Variants in TPRX1 observed in about 807,000 individuals in gnomAD.
TPRX1 encodes the protein tetrapeptide repeat homeobox 1.
TPRX1 carries 2 observed loss-of-function variants against 8.1 expected under a neutral mutation model. That is an observed-to-expected ratio of 0.25 (90% CI 0.10 to 0.78). The LOEUF (loss-of-function observed/expected upper bound fraction) is 0.78, where lower values mean the gene tolerates loss of function less well. TPRX1 is among the 30% of genes least tolerant of loss of function. The pLI, the probability that TPRX1 is intolerant of heterozygous loss-of-function variation, is 0.70. For synonymous variants in TPRX1, 257 were observed against 254.1 expected (o/e 1.01, Z -0.11); for missense variants, 517 against 586.9 (o/e 0.88, Z 1.23).
At chr19:47,818,732 G>A (rs1181563454) in intron 1 of TPRX1, among the ~76,000 whole-genome samples, 1 of 152,160 alleles carries the variant, frequency 6.6e-6, no homozygotes, top group African/African-American at 2.4e-5. Context: ...ACTGTCCCCA[G>A]AATTTAACCC....
chr19:47,810,177 C>T (rs1317070822), intron 2 of TPRX1, among the ~76,000 whole-genome samples: 2 of 143,568 alleles, frequency 1.4e-5, no homozygotes, highest in Non-Finnish European at 3.0e-5. Flanking sequence ...ATCACTTGAA[C>T]CCCTGAGGCA....
rs943111696 is a variant in TPRX1, at chr19:47,812,066, A to C, written c.151+6402T>G. Among the ~76,000 whole-genome samples the C allele has an allele frequency of 4.6e-5, 7 of 150,902 alleles. No homozygotes were observed. The South Asian group carries it at 8.4e-4, about 18-fold the overall frequency. On this transcript the variant is annotated intron_variant, in intron 2 of 3. Coordinates refer to ENST00000535759, the Ensembl canonical transcript of TPRX1. ...TTTTTAGTAGAGATGGAGTTTCTCC[A>C]TGTTGGTCAGGCTGGTCTTGAACTC...
chr19:47,813,621 C>T (rs1306464963), intron 2 of TPRX1, among the ~76,000 whole-genome samples: 1 of 152,056 alleles, frequency 6.6e-6, no homozygotes, highest in Non-Finnish European at 1.5e-5. Flanking sequence ...CTGTCTCCCC[C>T]TTTCTCTGTT....
At chr19:47,802,703 A>T (rs754076384) in exon 4 of TPRX1, 7 of 1,584,442 alleles carry the variant, frequency 4.4e-6, no homozygotes, top group Non-Finnish European at 6.0e-6. Flanking sequence ...TGGGCCTGGG[A>T]TTGGGGCAGG....
At chr19:47,802,542 TTGGGCCTGGGATTGGGCCACGGAA>T in exon 4 of TPRX1, 1 of 1,542,524 alleles carries the variant, frequency 6.5e-7, no homozygotes, top group Non-Finnish European at 8.7e-7. Context: ...GGGCCTGAAA[TTGGGCCTGGGATTGGGCCACGGAA>T]TGGGCCTGGG....
Position 47,802,412 on chromosome 19 carries a change from G to T in TPRX1, c.890C>A (p.Ser297Ter). 1 of 1,302,944 alleles carries T rather than the reference G, an allele frequency of 7.7e-7. No homozygotes were observed. The highest frequency in any genetic ancestry group is 2.9e-5 in the East Asian group (1 of 34,644). 80.7% of individuals were successfully genotyped at this position (1,302,944 alleles called of 1,614,324 possible). A position where few individuals can be genotyped will look rare whatever the true frequency, so the allele number is the denominator to read the frequency against. ...TGGGATCGGGCCTGGGATCGGGACT[G>T]AGATTGGGCCTGGGATCGGGCCTGA... Residue 297 changes from serine (S) to a stop codon, truncating the protein, a stop_gained, in exon 4 of 4, where the codon TCA becomes TAA. Coordinates refer to ENST00000535759, the Ensembl canonical transcript of TPRX1. LOFTEE classifies it low-confidence loss of function (END_TRUNC).
rs145047883 is a variant in TPRX1 at position 47,802,218 on chromosome 19, T to C, written c.1084A>G (p.Ile362Val). ...GCTGGGCTGGGAATCGGGCCTATAA[T>C]TGGGCCTGGGCCTGAGATTGGGCCT... Residue 362 changes from isoleucine (I) to valine (V), a missense_variant, in exon 4 of 4, where the codon ATT (isoleucine) becomes GTT (valine). By Grantham distance (29) the Ile-to-Val change is conservative. This residue lies in a region of TPRX1 where 506 missense variants were observed against 515.5 expected (regional missense o/e 0.98). Coordinates refer to ENST00000535759, the Ensembl canonical transcript of TPRX1. 1.9e-5 allele frequency: 30 copies of C among 1,610,654 alleles called. No individual in the cohort carries two copies. The African/African-American group carries it at 3.5e-4, about 19-fold the overall frequency.
chr19:47,801,903 T>A (rs747669233), exon 4 of TPRX1: 4 of 1,614,160 alleles, frequency 2.5e-6, no homozygotes, highest in Non-Finnish European at 3.4e-6. Flanking sequence ...GAGGTCATGG[T>A]GGAGACTGAG....
chr19:47,809,117 A>G (rs150536595), intron 2 of TPRX1, among the ~76,000 whole-genome samples: 1 of 152,264 alleles, frequency 6.6e-6, no homozygotes, highest in Non-Finnish European at 1.5e-5. Flanking sequence ...TGTAATAGGA[A>G]AAGCTCAAAG....
chr19:47,816,556 G>C (rs548716531), intron 2 of TPRX1, among the ~76,000 whole-genome samples: 1 of 116,856 alleles, frequency 8.6e-6, no homozygotes, highest in East Asian at 2.5e-4. Flanking sequence ...TTTTTGAGAT[G>C]GAGTCTCACG....
chr19:47,808,076 A>G (rs545881742), intron 2 of TPRX1, among the ~76,000 whole-genome samples: 1 of 151,630 alleles, frequency 6.6e-6, no homozygotes, highest in African/African-American at 2.4e-5. Flanking sequence ...ACTACAGGCA[A>G]GTACCACCAT....
intron 2 of TPRX1, among the ~76,000 whole-genome samples, chr19:47,816,529 A>ATTTTTTTTT (rs35029272): frequency 8.7e-6 from 1 of 114,688 alleles, no homozygotes; most frequent in Non-Finnish European, 1.8e-5. Flanking sequence ...ACCCCTGGGA[A>ATTTTTTTTT]TTTTTTTTTT....
chr19:47,810,008 A>C (rs1967767913), intron 2 of TPRX1, among the ~76,000 whole-genome samples: 1 of 151,948 alleles, frequency 6.6e-6, no homozygotes, highest in Admixed American at 6.6e-5. Context: ...TAATCCCAGC[A>C]CTTTGGGAGG....
chr19:47,808,091 G>A lies in TPRX1; in HGVS notation c.152-4418C>T, dbSNP rs114825126. On this transcript the variant is annotated intron_variant, in intron 2 of 3. Coordinates refer to ENST00000535759, the Ensembl canonical transcript of TPRX1. ...ACTACAGGCAAGTACCACCATGTCC[G>A]GGTAATTTTCTTATTTTATTTTATT... Among the ~76,000 whole-genome samples, 1,092 of 151,908 alleles carry A rather than the reference G, an allele frequency of 7.2e-3. 15 individuals are homozygous for A. The highest frequency in any genetic ancestry group is 0.024 in the African/African-American group (987 of 41,430).
At chr19:47,801,545 A>G in exon 4 of TPRX1, 1 of 512,408 alleles carries the variant, frequency 2.0e-6, no homozygotes, top group Non-Finnish European at 3.3e-6. Flanking sequence ...CAGATATCCC[A>G]GTGAGCAGCG....
At chr19:47,817,250 C>T (rs1227695052) in intron 2 of TPRX1, among the ~76,000 whole-genome samples, 2 of 152,172 alleles carry the variant, frequency 1.3e-5, no homozygotes, top group African/African-American at 4.8e-5. Flanking sequence ...GCATGAACCA[C>T]AGACCTTGGG....
chr19:47,817,786 A>C (rs1344134117), intron 2 of TPRX1, among the ~76,000 whole-genome samples: 3 of 152,224 alleles, frequency 2.0e-5, no homozygotes, highest in African/African-American at 7.2e-5. Context: ...AAGGCCACGC[A>C]GTGAGAAAAC....
At chr19:47,801,889 C>G (rs769162053) in exon 4 of TPRX1, 2 of 1,614,158 alleles carry the variant, frequency 1.2e-6, no homozygotes. Context: ...CTTCTTGGTA[C>G]TGAGAGGTCA....
intron 2 of TPRX1, among the ~76,000 whole-genome samples, chr19:47,814,397 G>A (rs1379543617): frequency 3.3e-5 from 5 of 151,962 alleles, no homozygotes; most frequent in Non-Finnish European, 5.9e-5. Context: ...TGTGGCTCAC[G>A]CCTGTAATCC....
Sources: gnomAD v4.1 joint callset for allele counts (sites outside exome capture counted in the v4.1 genomes callset) on GRCh38, gnomAD v4.1.1 for gene constraint, gnomAD v4.1.1 regional missense constraint, MANE v1.5 for transcripts, NCBI Gene and HGNC (gene_info 2026-07-23, HGNC 2026-07-21) for gene names.